The following PIKFYVE variants were observed in gnomAD, a reference collection of about 807,000 sequenced individuals.
PIKFYVE encodes the protein phosphoinositide kinase, FYVE-type zinc finger containing, also known as 1-phosphatidylinositol 3-phosphate 5-kinase.
In PIKFYVE, 122 loss-of-function variants were observed where a neutral mutation model predicts 257.9. That is an observed-to-expected ratio of 0.47 (90% CI 0.41 to 0.55). PIKFYVE has a LOEUF of 0.55. PIKFYVE is among the 20% of genes least tolerant of loss of function. The pLI is 0.00. For synonymous variants in PIKFYVE, 892 were observed against 868.9 expected, an observed-to-expected ratio of 1.03 and a Z score of -0.47; for missense variants, 2,160 against 2,536.6, an observed-to-expected ratio of 0.85 and a Z score of 3.19.
intron 22 of PIKFYVE, 34 bp from the exon 23 acceptor site, chr2:208,330,489 C>G: frequency 6.2e-7 from 1 of 1,612,968 alleles, no homozygotes; most frequent in South Asian, 1.1e-5. Flanking sequence ...CTGTTTCATG[C>G]TTAATGTGAG....
chr2:208,355,089 ATCTTTATGGCAGT>A, intron 41 of PIKFYVE, 88 bp from the exon 42 acceptor site: 1 of 898,626 alleles, frequency 1.1e-6, no homozygotes, highest in South Asian at 1.4e-5. Flanking sequence ...CTGCATGTGT[ATCTTTATGGCAGT>A]TTATATGAAA....
rs779619230 is a variant in PIKFYVE, at chr2:208,338,553, C to G, written c.4657C>G (p.Gln1553Glu). Reference sequence around the variant, plus strand: ...TCCACGGAATATTTCTCCAGGACTTCAGAATGGAGAAAAAGGTTGGTTCTT... The same window carrying G: ...TCCACGGAATATTTCTCCAGGACTTGAGAATGGAGAAAAAGGTTGGTTCTT... ...ASPRNISPGL[Q>E]NGEKEDRFLT... The change falls in exon 29 of 42, where the codon CAG (glutamine) becomes GAG (glutamate). Residue 1553 changes from glutamine to glutamate, a missense_variant. Gln to Glu is a conservative substitution (Grantham distance 29). This residue lies in a region of PIKFYVE where 699 missense variants were observed against 855.8 expected (regional missense o/e 0.82). Transcript: ENST00000264380. 1 of 1,613,112 alleles carries G rather than the reference C, an allele frequency of 6.2e-7. No individual in the cohort carries two copies. Among genetic ancestry groups the G allele is most frequent in the Non-Finnish European group, 8.5e-7 (1 of 1,179,224 alleles).
intron 1 of PIKFYVE, among the ~76,000 whole-genome samples, chr2:208,268,149 G>A (rs1442160924): frequency 2.0e-5 from 3 of 152,028 alleles, no homozygotes; most frequent in African/African-American, 7.2e-5. Flanking sequence ...ATTTTTTCAG[G>A]GCCCTAGTGT....
chr2:208,318,987 G>GT (rs1695889064), intron 16 of PIKFYVE, among the ~76,000 whole-genome samples: 1 of 150,006 alleles, frequency 6.7e-6, no homozygotes, highest in Non-Finnish European at 1.5e-5. Flanking sequence ...CACTTCAGGT[G>GT]TTTCCAGTGT....
At chr2:208,302,107 T>C (rs549866800) in intron 9 of PIKFYVE, 135 bp from the exon 10 acceptor site, 214 of 747,238 alleles carry the variant, frequency 2.9e-4, no homozygotes, top group Non-Finnish European at 3.6e-4. Flanking sequence ...TTTCGTCCTT[T>C]ACTTATCCAA....
Position 208,301,039 on chromosome 2 carries a change from A to G in PIKFYVE, c.1153A>G (p.Ile385Val). ...RYWLRTHPNC[I>V]VGKELVNWLI... ...CTGGTTGAGAACGCATCCCAACTGC[A>G]TTGTAGGAAAGGAATTAGTCAACTG... Residue 385 changes from isoleucine (I) to valine (V), a missense_variant, in exon 9 of 42, where the codon ATT (isoleucine) becomes GTT (valine). By Grantham distance (29) the Ile-to-Val change is conservative. Coordinates refer to ENST00000264380, the MANE Select transcript of PIKFYVE (RefSeq NM_015040.4). The G allele has an allele frequency of 1.2e-6, 2 of 1,614,178 alleles. No homozygotes were observed. The highest frequency in any genetic ancestry group is 8.5e-7 in the Non-Finnish European group (1 of 1,180,018).
In PIKFYVE at chr2:208,304,386, T is replaced by A. The variant is rs566452596; in HGVS notation, c.1468+68T>A. 49 of 1,552,464 alleles carry A rather than the reference T, an allele frequency of 3.2e-5. No individual in the cohort carries two copies. In the South Asian group the frequency reaches 4.9e-4, roughly 16 times the overall value. Reference sequence around the variant, plus strand: ...CTGTGTATGTATGATAAAATGATTATCTTGTTTGTTGAAATAATTCAGCTT... The same window carrying A: ...CTGTGTATGTATGATAAAATGATTAACTTGTTTGTTGAAATAATTCAGCTT... On this transcript the variant is annotated intron_variant, in intron 11 of 41. Transcript: ENST00000264380.
chr2:208,299,688 A>G (rs766027793), intron 8 of PIKFYVE, among the ~76,000 whole-genome samples: 4 of 152,226 alleles, frequency 2.6e-5, no homozygotes, highest in Admixed American at 6.5e-5. Flanking sequence ...TAAGCTTTGA[A>G]GCATGTTTGT....
chr2:208,285,699 GT>G, intron 5 of PIKFYVE, 26 bp from the exon 6 acceptor site: 1 of 1,582,204 alleles, frequency 6.3e-7, no homozygotes, highest in East Asian at 2.2e-5. Context: ...CAATTTCCTT[GT>G]TTTTGTTTTT....
intron 17 of PIKFYVE, among the ~76,000 whole-genome samples, chr2:208,323,838 A>T (rs779337946): frequency 2.6e-5 from 4 of 152,032 alleles, no homozygotes; most frequent in Admixed American, 6.6e-5. Flanking sequence ...TGTGGTTTTG[A>T]TTTGCATTTC....
intron 8 of PIKFYVE, 112 bp downstream of exon 8, chr2:208,298,891 G>A: frequency 7.3e-7 from 1 of 1,374,810 alleles, no homozygotes; most frequent in East Asian, 2.5e-5. Flanking sequence ...TGCCCAGGCT[G>A]GGGTGCAGTG....
chr2:208,350,642 A>G, intron 36 of PIKFYVE, 129 bp from the exon 37 acceptor site: 3 of 949,744 alleles, frequency 3.2e-6, no homozygotes, highest in Non-Finnish European at 4.9e-6. Context: ...ATTTGGATCT[A>G]ACATGCAAAA....
chr2:208,333,173 G>A (rs1697749556), intron 23 of PIKFYVE, 142 bp from the exon 24 acceptor site: 1 of 756,972 alleles, frequency 1.3e-6, no homozygotes, highest in East Asian at 3.0e-5. Context: ...GGCGGAGCTT[G>A]CAGTGAGCTG....
chr2:208,345,135 A>G lies in PIKFYVE; in HGVS notation c.5052A>G (p.Leu1684=). 6.2e-7 allele frequency: 1 copy of G among 1,611,982 alleles called. No individual in the cohort carries two copies. The highest frequency in any genetic ancestry group is 2.2e-5 in the East Asian group (1 of 44,760). The change falls in exon 33 of 42, where the codon TTA becomes TTG. Residue 1684 remains leucine (L), a synonymous_variant. Coordinates refer to ENST00000264380, the MANE Select transcript of PIKFYVE (RefSeq NM_015040.4). Reference sequence around the variant, plus strand: ...GTTGTAAAGAATACCGAAATGCCTTAGAGGAATTGTCTAAAGCGACTCAGT... The same window carrying G: ...GTTGTAAAGAATACCGAAATGCCTTGGAGGAATTGTCTAAAGCGACTCAGT... ...ALSCKEYRNA[L]EELSKATQWN...
intron 24 of PIKFYVE, 105 bp from the exon 25 acceptor site, chr2:208,335,199 CTT>C: frequency 2.6e-6 from 2 of 774,180 alleles, no homozygotes; most frequent in East Asian, 2.5e-5. Flanking sequence ...TTTATAGAAA[CTT>C]TTCCTCTTAT....
rs761412997 is a variant in PIKFYVE, at chr2:208,276,723, A to G, written c.334A>G (p.Lys112Glu). Residue 112 changes from lysine to glutamate, a missense_variant, in exon 4 of 42, where the codon AAA (lysine) becomes GAA (glutamate). Coordinates refer to ENST00000264380, the MANE Select transcript of PIKFYVE (RefSeq NM_015040.4). ...TTAATCCAACTCAGACACAAGAAGGAAAGCAGAACCTACCTTTGGAGGTCA... is the reference window on the plus strand; with the variant it reads ...TTAATCCAACTCAGACACAAGAAGGGAAGCAGAACCTACCTTTGGAGGTCA... The part of the protein sequence containing the change: ...RRSSALDTRR[K>E]AEPTFGGHDP... 45 of 1,613,530 alleles carry G rather than the reference A, an allele frequency of 2.8e-5. No homozygotes were observed. Among genetic ancestry groups the G allele is most frequent in the Non-Finnish European group, 3.6e-5 (43 of 1,179,502 alleles).
chr2:208,277,786 G>A (rs1444652661), intron 5 of PIKFYVE, 78 bp downstream of exon 5: 2 of 1,506,540 alleles, frequency 1.3e-6, no homozygotes, highest in Admixed American at 1.7e-5. Flanking sequence ...ATAGTGTTAA[G>A]CCAATTTTCA....
intron 12 of PIKFYVE, among the ~76,000 whole-genome samples, chr2:208,305,778 G>A (rs1279044952): frequency 1.3e-5 from 2 of 152,152 alleles, no homozygotes; most frequent in African/African-American, 2.4e-5. Context: ...ATGGGATTGT[G>A]TAAAAGTGAA....
At chr2:208,353,825 T>C (rs1699987435) in intron 39 of PIKFYVE, 73 bp from the exon 40 acceptor site, 1 of 1,564,926 alleles carries the variant, frequency 6.4e-7, no homozygotes, top group Non-Finnish European at 8.7e-7. Context: ...TTTCTGCCTT[T>C]TTTATTTACT....
Sources: gnomAD v4.1 joint callset for allele counts (sites outside exome capture counted in the v4.1 genomes callset) on GRCh38, gnomAD v4.1.1 for gene constraint, gnomAD v4.1.1 regional missense constraint, MANE v1.5 for transcripts, NCBI Gene and HGNC (gene_info 2026-07-23, HGNC 2026-07-21) for gene names.